ZNF454: variants seen among roughly 807,000 people sequenced by gnomAD.
The protein encoded by ZNF454 is zinc finger protein 454.
A neutral mutation model predicts 48.2 loss-of-function variants in ZNF454; 30 were observed. The observed-to-expected ratio is 0.62, with a 90% confidence interval of 0.47 to 0.84. The LOEUF (loss-of-function observed/expected upper bound fraction) is 0.84. Among genes scored for constraint, ZNF454 ranks in the 40% least tolerant of loss-of-function variants. ZNF454 has a pLI of 0.00. For synonymous variants in ZNF454, 204 were observed against 211.4 expected, an observed-to-expected ratio of 0.97 and a Z score of 0.30; for missense variants, 510 against 623.1, an observed-to-expected ratio of 0.82 and a Z score of 1.93.
At position 178,958,769 on chromosome 5, in the gene ZNF454, A is replaced by G. The variant is rs148291422; in HGVS notation, c.251-5886A>G. Among the ~76,000 whole-genome samples, 18 of 152,332 alleles carry G rather than the reference A, an allele frequency of 1.2e-4. No homozygotes were observed. The East Asian group carries it at 3.3e-3, about 28-fold the overall frequency. On this transcript the variant is annotated intron_variant, in intron 4 of 4. Coordinates refer to ENST00000519564, the MANE Select transcript of ZNF454 (RefSeq NM_001178089.3). ...TACAAAAGGTTTTCTACCATTCTAG[A>G]GGATGTATGGTTATAACTGAAGTTG...
intron 4 of ZNF454, among the ~76,000 whole-genome samples, chr5:178,959,611 T>TC (rs1298063545): frequency 6.6e-6 from 1 of 152,116 alleles, no homozygotes; most frequent in Admixed American, 6.5e-5. Context: ...TGAGATCATT[T>TC]CCTTTTTTTT....
chr5:178,967,633 C>CATT (rs1760182023), downstream of ZNF454, among the ~76,000 whole-genome samples: 1 of 151,768 alleles, frequency 6.6e-6, no homozygotes, highest in African/African-American at 2.4e-5. Flanking sequence ...TCACTAGCAC[C>CATT]ATTGATATTC....
the ZNF454 span, chr5:178,983,260 A>G: frequency 5.7e-6 from 9 of 1,567,250 alleles, no homozygotes; most frequent in Non-Finnish European, 7.9e-6. Flanking sequence ...AGCACTTTCC[A>G]GGGACAAATC....
chr5:178,947,048 G>C (rs1309177606), intron 4 of ZNF454, 62 bp downstream of exon 4: 2 of 1,397,024 alleles, frequency 1.4e-6, no homozygotes, highest in East Asian at 2.3e-5. Flanking sequence ...AGGCTCCGTA[G>C]GGAAGGCAGG....
At chr5:178,950,861 C>CTTTT (rs560753478) in intron 4 of ZNF454, among the ~76,000 whole-genome samples, 1 of 141,240 alleles carries the variant, frequency 7.1e-6, no homozygotes, top group Non-Finnish European at 1.5e-5. Context: ...CCATTTCTTT[C>CTTTT]TTTTTTTTTT....
Position 178,946,779 on chromosome 5 carries a change from G to T in ZNF454, c.161-118G>T, listed in dbSNP as rs1759353939. ...CCCTCTGGGAACACACCTGACCCTGGGCTTTCCTATCAAGTCCCATTTCCC... is the reference window on the plus strand; with the variant it reads ...CCCTCTGGGAACACACCTGACCCTGTGCTTTCCTATCAAGTCCCATTTCCC... On this transcript the variant is annotated intron_variant, in intron 3 of 4. Coordinates refer to ENST00000519564, the MANE Select transcript of ZNF454 (RefSeq NM_001178089.3). The surrounding 1 kb of genome is among the most constrained non-coding windows in gnomAD (Gnocchi z 4.5). 8.4e-6 allele frequency: 8 copies of T among 955,584 alleles called. No homozygotes were observed. The East Asian group carries it at 1.9e-4, about 23-fold the overall frequency. The allele number at this position is 955,584 out of a possible 1,614,324, so 59.2% of individuals were successfully genotyped here. A position where few individuals can be genotyped will look rare whatever the true frequency, so the allele number is the denominator to read the frequency against.
rs1171617618 is a variant in ZNF454 at position 178,965,046 on chromosome 5, A to G, written c.642A>G (p.Lys214=). Residue 214 remains lysine (K), a synonymous_variant, in exon 5 of 5, where the codon AAA becomes AAG. Transcript: ENST00000519564. This position sits in a 1 kb window ranked among gnomAD's most constrained non-coding sequence, Gnocchi z 5.2. ...ATCAGAAAATTCATATTAAGGAGAA[A>G]AGATATGAATGTAGAGAATGTGGGA... ...NANQKIHIKE[K]RYECRECGKA... is the part of the protein sequence containing the mutation. 3.1e-6 allele frequency: 5 copies of G among 1,614,202 alleles called. No individual in the cohort carries two copies. The highest frequency in any genetic ancestry group is 1.1e-5 in the South Asian group (1 of 91,076).
At chr5:178,978,163 G>A in the ZNF454 span, among the ~76,000 whole-genome samples, 15 of 152,252 alleles carry the variant, frequency 9.9e-5, no homozygotes, top group African/African-American at 3.4e-4. Context: ...AATTTTTCAC[G>A]TTTAGAAACA....
At chr5:178,983,842 C>G in the ZNF454 span, among the ~76,000 whole-genome samples, 2 of 152,214 alleles carry the variant, frequency 1.3e-5, no homozygotes, top group Non-Finnish European at 2.9e-5. Context: ...AGGAACGAAG[C>G]CACCTGCATA....
chr5:178,988,146 A>T, the ZNF454 span, among the ~76,000 whole-genome samples: 1 of 152,340 alleles, frequency 6.6e-6, no homozygotes, highest in East Asian at 1.9e-4. This position sits in a 1 kb window ranked among gnomAD's most constrained non-coding sequence, Gnocchi z 6.0. Context: ...TCACAATTAA[A>T]AATGAAAAAA....
intron 4 of ZNF454, among the ~76,000 whole-genome samples, chr5:178,964,224 C>A (rs901826354): frequency 6.6e-6 from 1 of 151,624 alleles, no homozygotes; most frequent in Non-Finnish European, 1.5e-5. Context: ...GGGTTCACAC[C>A]ATTCTCCTGC....
At chr5:178,947,061 G>A in intron 4 of ZNF454, 75 bp downstream of exon 4, 2 of 1,238,254 alleles carry the variant, frequency 1.6e-6, no homozygotes, top group Non-Finnish European at 2.3e-6. Context: ...AAGGCAGGGA[G>A]GCTTGCAGAT....
rs1759327449 is a variant in ZNF454 at position 178,946,274 on chromosome 5, A to G, written c.34-85A>G. The G allele has an allele frequency of 1.3e-6, 2 of 1,564,010 alleles. No individual in the cohort carries two copies. The highest frequency in any genetic ancestry group is 1.7e-6 in the Non-Finnish European group (2 of 1,159,438). On this transcript the variant is annotated intron_variant, in intron 2 of 4. Coordinates refer to ENST00000519564, the MANE Select transcript of ZNF454 (RefSeq NM_001178089.3). This position sits in a 1 kb window ranked among gnomAD's most constrained non-coding sequence, Gnocchi z 4.5. Reference sequence around the variant, plus strand: ...GCCAGCAGTCCTGTAAATGCGCACAAGCTCCTAGGGGCTGCCAGTCTCTTT... The same window carrying G: ...GCCAGCAGTCCTGTAAATGCGCACAGGCTCCTAGGGGCTGCCAGTCTCTTT...
At chr5:178,989,085 G>A in the ZNF454 span, 1 of 1,614,046 alleles carries the variant, frequency 6.2e-7, no homozygotes, top group South Asian at 1.1e-5. Context: ...ATCACAAACT[G>A]CACCTTGCCC....
At chr5:178,942,893 G>GGAAGCAA in intron 2 of ZNF454, 69 bp downstream of exon 2, 1 of 1,548,652 alleles carries the variant, frequency 6.5e-7, no homozygotes, top group Non-Finnish European at 8.8e-7. Context: ...TGCTTCCTCA[G>GGAAGCAA]ACCGGGAGCT....
the ZNF454 span, among the ~76,000 whole-genome samples, chr5:178,972,482 TTGG>T: frequency 6.6e-6 from 1 of 151,996 alleles, no homozygotes; most frequent in Non-Finnish European, 1.5e-5. Flanking sequence ...CTGCCTGGCA[TTGG>T]TGGGTGGGGA....
intron 4 of ZNF454, among the ~76,000 whole-genome samples, chr5:178,956,669 TATTTA>T (rs1456978575): frequency 1.2e-3 from 12 of 9,724 alleles, no homozygotes; most frequent in East Asian, 2.9e-3. Context: ...TATTTTATTT[TATTTA>T]ATTTATTTAT....
At chr5:178,963,351 T>C (rs568121229) in intron 4 of ZNF454, among the ~76,000 whole-genome samples, 4 of 151,990 alleles carry the variant, frequency 2.6e-5, no homozygotes, top group Admixed American at 2.0e-4. Context: ...GACCATTCTT[T>C]GTTTTGAACA....
chr5:178,971,245 T>C (rs149458515), downstream of ZNF454, among the ~76,000 whole-genome samples: 351 of 151,954 alleles, frequency 2.3e-3, 1 homozygote, highest in African/African-American at 8.1e-3. Flanking sequence ...GGCACCTGAG[T>C]GTTCAGGAGG....
Sources: allele counts gnomAD v4.1 joint callset (sites outside exome capture counted in the v4.1 genomes callset), GRCh38; gene constraint gnomAD v4.1.1; non-coding constraint Gnocchi (gnomAD v3.1); transcripts MANE v1.5; gene names NCBI Gene and HGNC (gene_info 2026-07-23, HGNC 2026-07-21).